Variants in PCDHGA10 observed in about 807,000 individuals in gnomAD.
The protein encoded by PCDHGA10 is protocadherin gamma-A10.
PCDHGA10 carries 42 observed loss-of-function variants against 59.5 expected under a neutral mutation model. The observed-to-expected ratio is 0.71, with a 90% confidence interval of 0.55 to 0.91. The LOEUF (loss-of-function observed/expected upper bound fraction) is 0.91, where lower values mean the gene tolerates loss of function less well. Ranked by LOEUF, PCDHGA10 falls within the 40% of genes least tolerant of loss-of-function variation. The pLI is 0.00. For synonymous variants in PCDHGA10, 511 were observed against 517.2 expected (o/e 0.99, Z 0.16); for missense variants, 1,111 against 1,198.2 (o/e 0.93, Z 1.07).
At chr5:141,420,024 C>T (rs2096459407) in intron 1 of PCDHGA10, 1 of 1,614,088 alleles carries the variant, frequency 6.2e-7, no homozygotes, top group Non-Finnish European at 8.5e-7. Context: ...TTCAGCCCTA[C>T]TGCAGGAGAC....
chr5:141,494,923 G>A lies in PCDHGA10; in HGVS notation c.2495+58G>A, dbSNP rs572227346. Reference sequence around the variant, plus strand: ...TCTGCGGCATTTTCTCAGGGATGACGTGGGAGGAGATGGGGGAGGGCCCAG... The same window carrying A: ...TCTGCGGCATTTTCTCAGGGATGACATGGGAGGAGATGGGGGAGGGCCCAG... On this transcript the variant is annotated intron_variant, in intron 2 of 3. Coordinates refer to ENST00000398610, the MANE Select transcript of PCDHGA10 (RefSeq NM_018913.3). The A allele has an allele frequency of 8.9e-5, 143 of 1,613,698 alleles. 1 individual carries two copies. In the Middle Eastern group the frequency reaches 1.8e-3, roughly 20 times the overall value.
At chr5:141,510,272 T>TAA (rs546154379) in intron 3 of PCDHGA10, among the ~76,000 whole-genome samples, 3,403 of 130,344 alleles carry the variant, frequency 0.026, 48 homozygotes, top group East Asian at 0.043. Context: ...GACTCCATCT[T>TAA]AAAAAAAAAA....
intron 1 of PCDHGA10, among the ~76,000 whole-genome samples, chr5:141,480,400 G>A (rs1364147575): frequency 6.8e-6 from 1 of 146,550 alleles, no homozygotes; most frequent in Non-Finnish European, 1.5e-5. Context: ...TGGCAATAGA[G>A]TGAGACCCTG....
At position 141,430,974 on chromosome 5, in the gene PCDHGA10, C is replaced by T. The variant is rs141488923; in HGVS notation, c.2436+15363C>T. The T allele has an allele frequency of 7.0e-4, 1,130 of 1,613,070 alleles. 8 individuals carry two copies. In the African/African-American group the frequency reaches 0.014, roughly 19 times the overall value. On this transcript the variant is annotated intron_variant, in intron 1 of 3. Transcript: ENST00000398610. ...GTCCGCATCATCCCCAGAGGTAGGA[C>T]GCAGCTTTTCGCCCTGAATCCGCGC...
At chr5:141,502,480 AC>A (rs145333712) in intron 2 of PCDHGA10, among the ~76,000 whole-genome samples, 7,822 of 152,242 alleles carry the variant, frequency 0.051, 439 homozygotes, top group African/African-American at 0.14. Flanking sequence ...GCAGCATCAC[AC>A]TGGGACTCAT....
intron 1 of PCDHGA10, chr5:141,419,302 C>A: frequency 6.2e-7 from 1 of 1,614,024 alleles, no homozygotes; most frequent in Non-Finnish European, 8.5e-7. Flanking sequence ...ACCCAGACTT[C>A]GGGCTCAACG....
In PCDHGA10 at chr5:141,511,345, TCC is replaced by T; in HGVS notation, c.*178_*179del. 1 of 1,410,484 alleles carries T rather than the reference TCC, an allele frequency of 7.1e-7. No homozygotes were observed. The highest frequency in any genetic ancestry group is 9.4e-7 in the Non-Finnish European group (1 of 1,060,658). The allele number at this position is 1,410,484 out of a possible 1,614,324, so 87.4% of individuals were successfully genotyped here. On this transcript the variant is annotated 3_prime_UTR_variant, in exon 4 of 4. Coordinates refer to ENST00000398610, the MANE Select transcript of PCDHGA10 (RefSeq NM_018913.3). ...AAGTGCCCAGTCAGCACCTACCCCT[TCC>T]CCCCCAGGGGGTTGAATATGCAAAA... is the stretch of plus-strand genomic sequence containing the variant.
intron 1 of PCDHGA10, chr5:141,440,430 G>A (rs965990102): frequency 6.6e-6 from 1 of 152,196 alleles, no homozygotes; most frequent in African/African-American, 2.4e-5. Flanking sequence ...CTGGGTGACA[G>A]AGCAAGGCGC....
intron 1 of PCDHGA10, chr5:141,419,183 A>G (rs1453963573): frequency 1.9e-6 from 3 of 1,613,958 alleles, no homozygotes; most frequent in Non-Finnish European, 1.7e-6. Context: ...AACCCTGCAC[A>G]TTACTGACGT....
intron 2 of PCDHGA10, among the ~76,000 whole-genome samples, chr5:141,504,369 A>G (rs968327872): frequency 6.6e-5 from 10 of 152,272 alleles, no homozygotes; most frequent in Non-Finnish European, 1.2e-4. Context: ...AGTAGGAAGC[A>G]GGTGGAGTCG....
At chr5:141,419,014 C>A (rs1332175722) in intron 1 of PCDHGA10, 1 of 1,613,780 alleles carries the variant, frequency 6.2e-7, no homozygotes, top group Non-Finnish European at 8.5e-7. Flanking sequence ...TCAGGTGTAG[C>A]TTAAGTAGAG....
rs770219250 is a variant in PCDHGA10, at chr5:141,477,852, T to C, written c.2437-16955T>C. Reference sequence around the variant, plus strand: ...CGGCCAGGTGGGAGCTCGGTGGAGATGCTGCCTCGAGGTACCTCAGCTGGC... The same window carrying C: ...CGGCCAGGTGGGAGCTCGGTGGAGACGCTGCCTCGAGGTACCTCAGCTGGC... On this transcript the variant is annotated intron_variant, in intron 1 of 3. Transcript: ENST00000398610. This position sits in a 1 kb window ranked among gnomAD's most constrained non-coding sequence, Gnocchi z 4.9. The C allele has an allele frequency of 6.2e-7, 1 of 1,613,654 alleles. No homozygotes were observed. Among genetic ancestry groups the C allele is most frequent in the Admixed American group, 1.7e-5 (1 of 59,980 alleles).
intron 2 of PCDHGA10, among the ~76,000 whole-genome samples, chr5:141,496,888 TAA>T (rs35063790): frequency 6.7e-5 from 9 of 134,018 alleles, no homozygotes; most frequent in Non-Finnish European, 4.9e-5. Flanking sequence ...AAGTAACACT[TAA>T]AAAAAAAAAA....
chr5:141,431,003 G>T lies in PCDHGA10; in HGVS notation c.2436+15392G>T, dbSNP rs2097334899. ...GCTTTTCGCCCTGAATCCGCGCAGC[G>T]GCAGCTTGGTCACGGCGGGCAGGAT... On this transcript the variant is annotated intron_variant, in intron 1 of 3. Coordinates refer to ENST00000398610, the MANE Select transcript of PCDHGA10 (RefSeq NM_018913.3). This position sits in a 1 kb window ranked among gnomAD's most constrained non-coding sequence, Gnocchi z 4.8. 1.9e-6 allele frequency: 3 copies of T among 1,613,960 alleles called. No homozygotes were observed. The highest frequency in any genetic ancestry group is 2.5e-6 in the Non-Finnish European group (3 of 1,179,982).
chr5:141,446,482 CTT>C (rs112180482), intron 1 of PCDHGA10, among the ~76,000 whole-genome samples: 6 of 147,048 alleles, frequency 4.1e-5, no homozygotes, highest in East Asian at 4.0e-4. Context: ...GGTCATCATT[CTT>C]TTTTTTTTTT....
At chr5:141,467,941 G>A (rs1173095290) in intron 1 of PCDHGA10, among the ~76,000 whole-genome samples, 4 of 151,984 alleles carry the variant, frequency 2.6e-5, no homozygotes, top group Admixed American at 2.6e-4. Context: ...TTACAAGCAT[G>A]AGCCACCACA....
rs2099713635 is a variant in PCDHGA10, at chr5:141,491,418, T to C, written c.2437-3389T>C. The C allele has an allele frequency of 6.2e-7, 1 of 1,613,796 alleles. No individual in the cohort carries two copies. Among genetic ancestry groups the C allele is most frequent in the Non-Finnish European group, 8.5e-7 (1 of 1,179,944 alleles). On this transcript the variant is annotated intron_variant, in intron 1 of 3. Transcript: ENST00000398610. The surrounding 1 kb of genome is among the most constrained non-coding windows in gnomAD (Gnocchi z 6.9). The stretch of plus-strand genomic sequence containing the variant: ...AGGGAAACGCAGACGGGGACGGGGG[T>C]GGAGGGCAGTGCTGCAGGCGCCAGG...
Position 141,423,257 on chromosome 5 carries a change from G to T in PCDHGA10, c.2436+7646G>T, listed in dbSNP as rs1412429501. ...ATCCCCGAAGTCCTGGCGGACCTCG[G>T]CAGCCTCGAGTCTCTGGCTAACTCT... On this transcript the variant is annotated intron_variant, in intron 1 of 3. Transcript: ENST00000398610. The T allele has an allele frequency of 8.7e-6, 14 of 1,613,946 alleles. No individual in the cohort carries two copies. The highest frequency in any genetic ancestry group is 1.3e-5 in the African/African-American group (1 of 75,060).
chr5:141,485,074 G>C lies in PCDHGA10; in HGVS notation c.2437-9733G>C, dbSNP rs2099606548. ...GGCCGAACCGCGCCAGAGCTGGCGC[G>C]GGGAAAGGGAGATAGGTGTCTCCAG... On this transcript the variant is annotated intron_variant, in intron 1 of 3. Coordinates refer to ENST00000398610, the MANE Select transcript of PCDHGA10 (RefSeq NM_018913.3). The surrounding 1 kb of genome is among the most constrained non-coding windows in gnomAD (Gnocchi z 5.7). 1 of 926,946 alleles carries C rather than the reference G, an allele frequency of 1.1e-6. No individual in the cohort carries two copies. The highest frequency in any genetic ancestry group is 1.6e-5 in the South Asian group (1 of 62,606). The allele number at this position is 926,946 out of a possible 1,614,324, so 57.4% of individuals were successfully genotyped here.
Sources: allele counts gnomAD v4.1 joint callset (sites outside exome capture counted in the v4.1 genomes callset), GRCh38; gene constraint gnomAD v4.1.1; non-coding constraint Gnocchi (gnomAD v3.1); transcripts MANE v1.5; gene names NCBI Gene and HGNC (gene_info 2026-07-23, HGNC 2026-07-21).